The following MBTPS2 variants were observed in gnomAD, a reference collection of about 807,000 sequenced individuals.
The protein encoded by MBTPS2 is membrane bound transcription factor peptidase, site 2, also known as membrane-bound transcription factor site-2 protease.
Under a neutral mutation model 35.4 loss-of-function variants are expected in MBTPS2, and 2 were observed. The observed-to-expected ratio is 0.06, with a 90% CI of 0.02 to 0.18. The LOEUF (loss-of-function observed/expected upper bound fraction) is 0.18. MBTPS2 is among the 10% of genes least tolerant of loss of function. The probability of loss-of-function intolerance (pLI) is 1.00; values close to 1 mark genes in which losing one functional copy is unlikely to be tolerated. For synonymous variants in MBTPS2, 125 were observed against 140.4 expected, an observed-to-expected ratio of 0.89 and a Z score of 0.77; for missense variants, 244 against 386.5, an observed-to-expected ratio of 0.63 and a Z score of 3.09.
intron 7 of MBTPS2, chrX:21,872,467 C>A (rs546273314): frequency 9.8e-6 from 1 of 101,550 alleles, no homozygotes; most frequent in East Asian, 3.0e-4. Context: ...AGATATTACT[C>A]TTTTTATACT....
chrX:21,885,264 T>A lies in MBTPS2; in HGVS notation c.*2609T>A. On this transcript the variant is annotated 3_prime_UTR_variant, in exon 11 of 11. Coordinates refer to ENST00000379484, the MANE Select transcript of MBTPS2 (RefSeq NM_015884.4). ...AGTCATCACTTTGTCCTATGGTATT[T>A]ATTGAATGTTCACATACTAATGGTG... 1.3e-6 allele frequency: 1 copy of A among 751,616 alleles called. No homozygotes were observed. 61.9% of individuals were successfully genotyped at this position (751,616 alleles called of 1,213,427 possible). A position where few individuals can be genotyped will look rare whatever the true frequency, so the allele number is the denominator to read the frequency against.
chrX:21,852,298 A>G (rs975927820), intron 4 of MBTPS2, among the ~76,000 whole-genome samples: 4 of 112,047 alleles, frequency 3.6e-5, no homozygotes, highest in African/African-American at 1.3e-4. Context: ...CAAGCATGCT[A>G]ATAGGAATGT....
rs145942797 is a variant in MBTPS2, at chrX:21,857,232, C to T, written c.670+3729C>T. 4.1e-6 allele frequency: 5 copies of T among 1,211,839 alleles called. No individual in the cohort carries two copies. The East Asian group carries it at 8.9e-5, about 21-fold the overall frequency. On this transcript the variant is annotated intron_variant, in intron 5 of 10. Transcript: ENST00000379484. ...GAAGCCCAAAAGGTCCAAAGGAGAA[C>T]CTCCCAAAACAGTCCCTTGCTCTTA...
chrX:21,856,485 A>G, intron 5 of MBTPS2: 1 of 1,204,592 alleles, frequency 8.3e-7, no homozygotes, highest in Non-Finnish European at 1.1e-6. Flanking sequence ...ACTCTCAGCC[A>G]TGGCCTCCAA....
intron 5 of MBTPS2, chrX:21,857,058 G>T: frequency 8.3e-7 from 1 of 1,211,807 alleles, no homozygotes; most frequent in Non-Finnish European, 1.1e-6. Flanking sequence ...GTCCCCTAAC[G>T]ATAACAATGA....
chrX:21,862,933 C>CATATATATATAT (rs542223686), intron 5 of MBTPS2, among the ~76,000 whole-genome samples: 521 of 27,615 alleles, frequency 0.019, 50 homozygotes, highest in East Asian at 0.036. Flanking sequence ...TATATATAAA[C>CATATATATATAT]ATATATATAT....
At chrX:21,875,419 G>GT (rs1303975974) in intron 7 of MBTPS2, among the ~76,000 whole-genome samples, 3 of 111,526 alleles carry the variant, frequency 2.7e-5, no homozygotes, top group Non-Finnish European at 5.6e-5. Context: ...CCACCACTTT[G>GT]TTTTTTCTGC....
chrX:21,867,150 T>G (rs1267901570), intron 5 of MBTPS2, among the ~76,000 whole-genome samples: 1 of 112,451 alleles, frequency 8.9e-6, no homozygotes, highest in Non-Finnish European at 1.9e-5. Context: ...AAGTATTTAT[T>G]TACTAAATAC....
chrX:21,874,277 G>A (rs1022336334), intron 7 of MBTPS2, among the ~76,000 whole-genome samples: 1 of 106,842 alleles, frequency 9.4e-6, no homozygotes, highest in African/African-American at 3.4e-5. Flanking sequence ...CCCCCGCCTC[G>A]GCCTCCCAAA....
At chrX:21,856,933 C>G in intron 5 of MBTPS2, 1 of 1,212,001 alleles carries the variant, frequency 8.3e-7, no homozygotes, top group South Asian at 1.8e-5. Flanking sequence ...GGCAAGAGTG[C>G]CACCAGCACT....
At chrX:21,841,516 A>G (rs1197269599) in intron 1 of MBTPS2, among the ~76,000 whole-genome samples, 1 of 109,352 alleles carries the variant, frequency 9.1e-6, no homozygotes, top group Non-Finnish European at 1.9e-5. Context: ...AAAAAGCCAC[A>G]TGAGCCAGGC....
chrX:21,869,378 C>T, intron 6 of MBTPS2, 120 bp from the exon 7 acceptor site: 1 of 576,024 alleles, frequency 1.7e-6, no homozygotes, highest in Non-Finnish European at 3.1e-6. Context: ...GAATTCAAAG[C>T]TGGATTATTT....
intron 1 of MBTPS2, among the ~76,000 whole-genome samples, chrX:21,840,810 T>G (rs1234949900): frequency 1.8e-5 from 2 of 112,235 alleles, no homozygotes; most frequent in Non-Finnish European, 3.8e-5. Flanking sequence ...TGCAGGAGGT[T>G]ACATAGCGTA....
In MBTPS2 at chrX:21,839,633, C is replaced by T. The variant is rs2092900366; in HGVS notation, c.-102C>T. On this transcript the variant is annotated 5_prime_UTR_variant, in exon 1 of 11. Coordinates refer to ENST00000379484, the MANE Select transcript of MBTPS2 (RefSeq NM_015884.4). The stretch of plus-strand genomic sequence containing the variant: ...GAAGGAGCCGGCGGTAGCTTGGTTC[C>T]TGAGCGGATGCTGGGGCTGTAAGGC... 1.1e-6 allele frequency: 1 copy of T among 885,180 alleles called. No homozygotes were observed. 72.9% of individuals were successfully genotyped at this position (885,180 alleles called of 1,213,427 possible). A position where few individuals can be genotyped will look rare whatever the true frequency, so the allele number is the denominator to read the frequency against.
At chrX:21,843,377 G>A (rs977591551) in intron 2 of MBTPS2, 59 bp downstream of exon 2, 1 of 1,087,356 alleles carries the variant, frequency 9.2e-7, no homozygotes, top group Non-Finnish European at 1.3e-6. Context: ...ACGACAGACA[G>A]CTTGTTAAAT....
intron 5 of MBTPS2, among the ~76,000 whole-genome samples, chrX:21,866,934 C>T (rs1334618132): frequency 1.9e-5 from 2 of 107,071 alleles, no homozygotes; most frequent in Non-Finnish European, 3.8e-5. Context: ...GAGGCTGAGG[C>T]AGGTGAATCA....
intron 1 of MBTPS2, among the ~76,000 whole-genome samples, chrX:21,842,722 T>C (rs2092904085): frequency 8.9e-6 from 1 of 112,341 alleles, no homozygotes; most frequent in African/African-American, 3.2e-5. Flanking sequence ...TAAAGTTATA[T>C]ATGTGGCTTA....
chrX:21,866,294 G>C (rs12556213), intron 5 of MBTPS2, among the ~76,000 whole-genome samples: 4,362 of 110,642 alleles, frequency 0.039, 264 homozygotes, highest in East Asian at 0.21. Context: ...CTATTGAAAA[G>C]TGTTCTAGAA....
chrX:21,882,933 T>G lies in MBTPS2; in HGVS notation c.*278T>G. ...TAATATCTAAGCAAGTGCAAATTCA[T>G]GTAATACCGTTTTGTCTGATTACAT... On this transcript the variant is annotated 3_prime_UTR_variant, in exon 11 of 11. Coordinates refer to ENST00000379484, the MANE Select transcript of MBTPS2 (RefSeq NM_015884.4). 1.0e-6 allele frequency: 1 copy of G among 986,287 alleles called. No homozygotes were observed. The highest frequency in any genetic ancestry group is 1.3e-6 in the Non-Finnish European group (1 of 780,621). 81.3% of individuals were successfully genotyped at this position (986,287 alleles called of 1,213,427 possible). A position where few individuals can be genotyped will look rare whatever the true frequency, so the allele number is the denominator to read the frequency against.
Sources: gnomAD v4.1 joint callset for allele counts (sites outside exome capture counted in the v4.1 genomes callset) on GRCh38, gnomAD v4.1.1 for gene constraint, MANE v1.5 for transcripts, NCBI Gene and HGNC (gene_info 2026-07-23, HGNC 2026-07-21) for gene names.